RNPC3: variants seen among roughly 807,000 people sequenced by gnomAD.
The protein encoded by RNPC3 is RNA binding region (RNP1, RRM) containing 3.
In RNPC3, 48 loss-of-function variants were observed where a neutral mutation model predicts 67.5. The ratio of observed to expected loss-of-function variants is 0.71; its 90% confidence interval spans 0.56 to 0.90. The LOEUF is 0.90. RNPC3 is among the 40% of genes least tolerant of loss of function. RNPC3 has a pLI of 0.00. For missense variants in RNPC3, 637 were observed against 626.1 expected, an observed-to-expected ratio of 1.02 and a Z score of -0.19; for synonymous variants, 239 against 210.3, an observed-to-expected ratio of 1.14 and a Z score of -1.18.
rs1458904650 is a variant in RNPC3 at position 103,534,669 on chromosome 1, A to G, written c.360-105A>G. 8 of 587,736 alleles carry G rather than the reference A, an allele frequency of 1.4e-5. No homozygotes were observed. In the East Asian group the frequency reaches 2.7e-4, roughly 20 times the overall value. 36.4% of individuals were successfully genotyped at this position (587,736 alleles called of 1,614,324 possible). On this transcript the variant is annotated intron_variant, in intron 3 of 14. Coordinates refer to ENST00000423855, the MANE Select transcript of RNPC3 (RefSeq NM_017619.4). Reference sequence around the variant, plus strand: ...TGAAAGTTTTTTTTTTTTTTTAATGAAGCTGTTTTTATAATGACATGTTTG... The same window carrying G: ...TGAAAGTTTTTTTTTTTTTTTAATGGAGCTGTTTTTATAATGACATGTTTG...
At position 103,533,745 on chromosome 1, in the gene RNPC3, A is replaced by G. The variant is rs143133343; in HGVS notation, c.247A>G (p.Thr83Ala). 4.3e-5 allele frequency: 65 copies of G among 1,515,612 alleles called. No individual in the cohort carries two copies. In the African/African-American group the frequency reaches 7.7e-4, roughly 18 times the overall value. 93.9% of individuals were successfully genotyped at this position (1,515,612 alleles called of 1,614,324 possible). A position where few individuals can be genotyped will look rare whatever the true frequency, so the allele number is the denominator to read the frequency against. The change falls in exon 3 of 15, where the codon ACA (threonine) becomes GCA (alanine). Residue 83 changes from threonine (T) to alanine (A), a missense_variant. This residue lies in a region of RNPC3 where 536 missense variants were observed against 500.3 expected (regional missense o/e 1.07). Coordinates refer to ENST00000423855, the MANE Select transcript of RNPC3 (RefSeq NM_017619.4). ...PNEKAAIKAL[T>A]RLHQLKLLGH... The stretch of plus-strand genomic sequence containing the variant: ...CTTGTTCTTTTAACTGAAGGCATTG[A>G]CAAGACTCCATCAACTGAAACTTTT...
Position 103,547,543 on chromosome 1 carries a change from G to A in RNPC3, c.1361+508G>A, listed in dbSNP as rs1364491863. Among the ~76,000 whole-genome samples the A allele has an allele frequency of 9.9e-5, 15 of 152,138 alleles. No individual in the cohort carries two copies. In the East Asian group the frequency reaches 2.7e-3, roughly 27 times the overall value. On this transcript the variant is annotated intron_variant, in intron 12 of 14. Coordinates refer to ENST00000423855, the MANE Select transcript of RNPC3 (RefSeq NM_017619.4). Reference sequence around the variant, plus strand: ...GGACTCATGAATTTGTTTCTAAAAGGCTCCTGGATGATGCTGCAGCTTCTG... The same window carrying A: ...GGACTCATGAATTTGTTTCTAAAAGACTCCTGGATGATGCTGCAGCTTCTG...
At position 103,526,357 on chromosome 1, in the gene RNPC3, G is replaced by A. The variant is rs139161435; in HGVS notation, c.192+95G>A. 3,549 of 1,033,572 alleles carry A rather than the reference G, an allele frequency of 3.4e-3. 31 individuals carry two copies. The highest frequency in any genetic ancestry group is 3.2e-3 in the Non-Finnish European group (2,332 of 722,436). The allele number at this position is 1,033,572 out of a possible 1,614,324, so 64.0% of individuals were successfully genotyped here. A position where few individuals can be genotyped will look rare whatever the true frequency, so the allele number is the denominator to read the frequency against. On this transcript the variant is annotated intron_variant, in intron 1 of 14. Transcript: ENST00000423855. ...CAAGAGTAAAATGGAAACGAGTGGG[G>A]AAGATGGACTTGTGTGATGAGAGCT...
intron 2 of RNPC3, among the ~76,000 whole-genome samples, chr1:103,531,340 CTTA>C (rs1324734098): frequency 6.6e-6 from 1 of 152,036 alleles, no homozygotes; most frequent in East Asian, 1.9e-4. Flanking sequence ...TGTATAATGA[CTTA>C]TTGTCCTCTG....
chr1:103,537,408 C>G lies in RNPC3; in HGVS notation c.691C>G (p.Pro231Ala). The G allele has an allele frequency of 1.3e-6, 2 of 1,536,268 alleles. No homozygotes were observed. The highest frequency in any genetic ancestry group is 8.7e-7 in the Non-Finnish European group (1 of 1,146,350). ...ATCTCCTCAGCCACCTGAGGAACCT[C>G]CTTTGCCAGACGAGGATGAGGAATT... ...PTSPQPPEEPPLPDEDEELSS... is the reference protein window; with the variant it reads ...PTSPQPPEEPALPDEDEELSS... Residue 231 changes from proline to alanine, a missense_variant, in exon 7 of 15, where the codon CCT becomes GCT. By Grantham distance (27) the Pro-to-Ala change is conservative. Around this residue, in one of 3 missense-constraint regions of RNPC3, gnomAD observed 536 missense variants for 500.3 expected, o/e 1.07. Coordinates refer to ENST00000423855, the MANE Select transcript of RNPC3 (RefSeq NM_017619.4).
intron 9 of RNPC3, among the ~76,000 whole-genome samples, chr1:103,543,910 A>C (rs1255664720): frequency 6.6e-6 from 1 of 151,744 alleles, no homozygotes; most frequent in African/African-American, 2.4e-5. Flanking sequence ...CAAGAATACT[A>C]TTCTTAAGTT....
intron 8 of RNPC3, 114 bp downstream of exon 8, chr1:103,541,589 A>C: frequency 9.7e-7 from 1 of 1,031,374 alleles, no homozygotes; most frequent in Non-Finnish European, 1.3e-6. Context: ...CTTGGTTTAC[A>C]TTGGCTTCCT....
At chr1:103,550,890 A>G (rs1248680491) in intron 12 of RNPC3, 51 bp from the exon 13 acceptor site, 2 of 1,577,650 alleles carry the variant, frequency 1.3e-6, no homozygotes, top group Non-Finnish European at 1.7e-6. Context: ...ACACATTTTC[A>G]TTCACATTGA....
intron 14 of RNPC3, chr1:103,553,839 G>A (rs1301717576): frequency 3.3e-5 from 5 of 152,172 alleles, no homozygotes; most frequent in Non-Finnish European, 5.9e-5. Context: ...GACATAGATA[G>A]CAATAGAAGT....
At chr1:103,539,902 G>A (rs963983031) in intron 7 of RNPC3, among the ~76,000 whole-genome samples, 3 of 151,652 alleles carry the variant, frequency 2.0e-5, no homozygotes, top group South Asian at 2.1e-4. Flanking sequence ...TTACTCTTTC[G>A]CCCTAACTGG....
intron 5 of RNPC3, 54 bp downstream of exon 5, chr1:103,535,495 A>AT: frequency 9.3e-7 from 1 of 1,071,310 alleles, no homozygotes; most frequent in Non-Finnish European, 1.4e-6. Flanking sequence ...TTGATACTTT[A>AT]TTTTTCATGC....
intron 7 of RNPC3, among the ~76,000 whole-genome samples, chr1:103,540,994 A>G (rs1458370559): frequency 6.6e-6 from 1 of 152,168 alleles, no homozygotes; most frequent in African/African-American, 2.4e-5. Flanking sequence ...TAAGAACATT[A>G]ATATTATATC....
Position 103,544,980 on chromosome 1 carries a change from T to G in RNPC3, c.1085T>G (p.Phe362Cys). 2 of 1,533,280 alleles carry G rather than the reference T, an allele frequency of 1.3e-6. No homozygotes were observed. Among genetic ancestry groups the G allele is most frequent in the Non-Finnish European group, 1.7e-6 (2 of 1,144,566 alleles). The allele number at this position is 1,533,280 out of a possible 1,614,324, so 95.0% of individuals were successfully genotyped here. A position where few individuals can be genotyped will look rare whatever the true frequency, so the allele number is the denominator to read the frequency against. The change falls in exon 10 of 15, where the codon TTT (phenylalanine) becomes TGT (cysteine). Residue 362 changes from phenylalanine (F) to cysteine (C), a missense_variant. Coordinates refer to ENST00000423855, the MANE Select transcript of RNPC3 (RefSeq NM_017619.4). Reference protein sequence around the residue: ...ATEVDASNIGFGKIFPKPNLD... With the variant: ...ATEVDASNIGCGKIFPKPNLD... Reference sequence around the variant, plus strand: ...GAAGTTGATGCATCCAATATAGGATTTGGAAAAATCTTCCCCAAACCTAAT... The same window carrying G: ...GAAGTTGATGCATCCAATATAGGATGTGGAAAAATCTTCCCCAAACCTAAT...
At chr1:103,540,478 A>T (rs1651099645) in intron 7 of RNPC3, among the ~76,000 whole-genome samples, 2 of 152,222 alleles carry the variant, frequency 1.3e-5, no homozygotes, top group Admixed American at 1.3e-4. Context: ...ACTTTGGGTC[A>T]GCAATTTATA....
chr1:103,536,050 A>C, intron 5 of RNPC3, 76 bp from the exon 6 acceptor site: 1 of 1,091,306 alleles, frequency 9.2e-7, no homozygotes, highest in Non-Finnish European at 1.3e-6. Flanking sequence ...GTTATAGCAA[A>C]GTTTCTTAGT....
rs1570624017 is a variant in RNPC3, at chr1:103,544,800, G to A, written c.1046-141G>A. ...ACCTTTATAGAAAATGTTTGTGTAT[G>A]CCTCTTTTAGTATATTGAGAAACAC... On this transcript the variant is annotated intron_variant, in intron 9 of 14. Transcript: ENST00000423855. 9 of 466,854 alleles carry A rather than the reference G, an allele frequency of 1.9e-5. No homozygotes were observed. The East Asian group carries it at 3.2e-4, about 17-fold the overall frequency. 28.9% of individuals were successfully genotyped at this position (466,854 alleles called of 1,614,324 possible). A position where few individuals can be genotyped will look rare whatever the true frequency, so the allele number is the denominator to read the frequency against.
In RNPC3 at chr1:103,544,988, A is replaced by G. The variant is rs1306384041; in HGVS notation, c.1093A>G (p.Ile365Val). ...VDASNIGFGK[I>V]FPKPNLDITE... ...TGCATCCAATATAGGATTTGGAAAA[A>G]TCTTCCCCAAACCTAATTTGGACAT... The change falls in exon 10 of 15, where the codon ATC (isoleucine) becomes GTC (valine). Residue 365 changes from isoleucine (I) to valine (V), a missense_variant. This residue lies in a region of RNPC3 where 536 missense variants were observed against 500.3 expected (regional missense o/e 1.07). Transcript: ENST00000423855. 12 of 1,533,692 alleles carry G rather than the reference A, an allele frequency of 7.8e-6. No homozygotes were observed. Among genetic ancestry groups the G allele is most frequent in the Non-Finnish European group, 1.0e-5 (12 of 1,144,786 alleles).
At chr1:103,553,926 T>TA (rs1345584588) in intron 14 of RNPC3, 5 of 152,138 alleles carry the variant, frequency 3.3e-5, no homozygotes, top group African/African-American at 1.2e-4. Flanking sequence ...TAATGCCCAC[T>TA]AAGGGTAGTG....
At chr1:103,539,516 T>G (rs1651069394) in intron 7 of RNPC3, among the ~76,000 whole-genome samples, 1 of 152,240 alleles carries the variant, frequency 6.6e-6, no homozygotes, top group Non-Finnish European at 1.5e-5. Context: ...TGAACTTCAC[T>G]TTCTTTATAA....
Sources: allele counts gnomAD v4.1 joint callset (sites outside exome capture counted in the v4.1 genomes callset), GRCh38; gene constraint gnomAD v4.1.1; regional missense constraint gnomAD v4.1.1; transcripts MANE v1.5; gene names NCBI Gene and HGNC (gene_info 2026-07-23, HGNC 2026-07-21).